EXOC1: variants seen among roughly 807,000 people sequenced by gnomAD.
EXOC1 encodes exocyst complex component 1.
Under a neutral mutation model 107.7 loss-of-function variants are expected in EXOC1, and 67 were observed. That is an observed-to-expected ratio of 0.62 (90% CI 0.51 to 0.76). The LOEUF is 0.76. Among genes scored for constraint, EXOC1 ranks in the 30% least tolerant of loss-of-function variants. The pLI, the probability that EXOC1 is intolerant of heterozygous loss-of-function variation, is 0.00. For missense variants in EXOC1, 833 were observed against 1,055.7 expected (o/e 0.79, Z 2.92); for synonymous variants, 348 against 353.5 (o/e 0.98, Z 0.17).
At chr4:55,902,031 G>T (rs543969780) in intron 17 of EXOC1, 1 of 170,858 alleles carries the variant, frequency 5.9e-6, no homozygotes. Context: ...TAATAATTGT[G>T]GTTCAGTCAT....
intron 9 of EXOC1, among the ~76,000 whole-genome samples, chr4:55,880,325 CT>C (rs1723278568): frequency 6.6e-6 from 1 of 151,450 alleles, no homozygotes; most frequent in South Asian, 2.1e-4. Flanking sequence ...AAAAAATCTC[CT>C]GAGGTGCTTA....
intron 3 of EXOC1, among the ~76,000 whole-genome samples, chr4:55,863,668 A>G (rs1721687599): frequency 6.6e-6 from 1 of 152,172 alleles, no homozygotes; most frequent in Non-Finnish European, 1.5e-5. Context: ...GATATCTTTA[A>G]TCATTCCTTA....
intron 15 of EXOC1, among the ~76,000 whole-genome samples, chr4:55,894,860 G>T (rs998534233): frequency 6.6e-6 from 1 of 151,920 alleles, no homozygotes; most frequent in Non-Finnish European, 1.5e-5. Flanking sequence ...AACCTCAGGT[G>T]ATCTGCCCAC....
At chr4:55,894,122 C>G (rs1947131) in intron 15 of EXOC1, among the ~76,000 whole-genome samples, 1 of 151,982 alleles carries the variant, frequency 6.6e-6, no homozygotes, top group Non-Finnish European at 1.5e-5. Context: ...GTCAGGAGTT[C>G]GAGACCAGCC....
At chr4:55,867,564 C>CAAA (rs5858354) in intron 4 of EXOC1, among the ~76,000 whole-genome samples, 3 of 131,662 alleles carry the variant, frequency 2.3e-5, no homozygotes, top group Non-Finnish European at 4.9e-5. Context: ...TGTATTTCCT[C>CAAA]AAAAAAAAAA....
At chr4:55,888,081 CCTA>C (rs1724099856) in intron 10 of EXOC1, among the ~76,000 whole-genome samples, 1 of 152,132 alleles carries the variant, frequency 6.6e-6, no homozygotes, top group African/African-American at 2.4e-5. Flanking sequence ...TCTGTTTCAT[CCTA>C]TGATCTTTCT....
Position 55,871,123 on chromosome 4 carries a change from G to T in EXOC1, c.854G>T (p.Gly285Val). ...TAGAACCACATGGACTTGGCCAAAG[G>T]TCATATAAAGGCCCTTCAGGAAGGA... ...FLVNHMDLAK[G>V]HIKALQEGDL... Residue 285 changes from glycine to valine, a missense_variant, in exon 7 of 19, where the codon GGT (glycine) becomes GTT (valine). Around this residue, in one of 2 missense-constraint regions of EXOC1, gnomAD observed 617 missense variants for 701.3 expected, o/e 0.88. Coordinates refer to ENST00000381295, the MANE Select transcript of EXOC1 (RefSeq NM_001024924.2). 6 of 1,613,872 alleles carry T rather than the reference G, an allele frequency of 3.7e-6. No homozygotes were observed. Among genetic ancestry groups the T allele is most frequent in the Non-Finnish European group, 5.1e-6 (6 of 1,179,874 alleles).
At chr4:55,890,102 C>A in intron 11 of EXOC1, 121 bp from the exon 12 acceptor site, 1 of 858,788 alleles carries the variant, frequency 1.2e-6, no homozygotes, top group Non-Finnish European at 1.8e-6. Context: ...AAGATTTGTG[C>A]ACTAACTAAT....
At chr4:55,864,708 G>A (rs1721795376) in intron 4 of EXOC1, among the ~76,000 whole-genome samples, 1 of 152,072 alleles carries the variant, frequency 6.6e-6, no homozygotes, top group East Asian at 1.9e-4. Flanking sequence ...TTCATATAAT[G>A]TATCATGAAC....
chr4:55,890,403 A>G lies in EXOC1; in HGVS notation c.1539+17A>G, dbSNP rs760524839. On this transcript the variant is annotated intron_variant, in intron 12 of 18. Coordinates refer to ENST00000381295, the MANE Select transcript of EXOC1 (RefSeq NM_001024924.2). ...TTTGATAAGGTAAACTAAAATAACA[A>G]GTACTTCTTAAACATTAACATTAGT... 6.2e-7 allele frequency: 1 copy of G among 1,610,650 alleles called. No individual in the cohort carries two copies. The highest frequency in any genetic ancestry group is 8.5e-7 in the Non-Finnish European group (1 of 1,177,790).
At chr4:55,881,307 A>AAG (rs1406538158) in intron 9 of EXOC1, among the ~76,000 whole-genome samples, 2 of 152,126 alleles carry the variant, frequency 1.3e-5, no homozygotes, top group African/African-American at 4.8e-5. Flanking sequence ...TTCCTCTCCT[A>AAG]ATAGCCTCCT....
At chr4:55,901,711 C>T (rs188779457) in intron 17 of EXOC1, among the ~76,000 whole-genome samples, 34 of 152,180 alleles carry the variant, frequency 2.2e-4, no homozygotes, top group Non-Finnish European at 3.8e-4. Flanking sequence ...TATAAATTGT[C>T]ATAATGCTTA....
At chr4:55,883,707 C>A in intron 9 of EXOC1, 116 bp from the exon 10 acceptor site, 2 of 563,830 alleles carry the variant, frequency 3.5e-6, no homozygotes, top group East Asian at 3.4e-5. Context: ...CTGTGAAATA[C>A]ATCAAAGTTT....
chr4:55,877,883 G>A, intron 8 of EXOC1, 34 bp from the exon 9 acceptor site: 1 of 1,609,450 alleles, frequency 6.2e-7, no homozygotes, highest in Non-Finnish European at 8.5e-7. Flanking sequence ...TTGTACTGTT[G>A]ATTACATTTA....
intron 9 of EXOC1, among the ~76,000 whole-genome samples, chr4:55,879,508 A>G (rs572700911): frequency 2.6e-4 from 39 of 152,288 alleles, no homozygotes; most frequent in African/African-American, 8.2e-4. Flanking sequence ...TGGACCATGC[A>G]AAGATTTGTC....
chr4:55,896,583 A>G, intron 15 of EXOC1, 134 bp from the exon 16 acceptor site: 3 of 622,504 alleles, frequency 4.8e-6, no homozygotes, highest in Admixed American at 4.1e-5. Flanking sequence ...AAAGTGTTCT[A>G]GGTACCACAT....
intron 9 of EXOC1, 100 bp downstream of exon 9, chr4:55,878,166 A>G (rs900040079): frequency 2.1e-5 from 28 of 1,322,880 alleles, no homozygotes; most frequent in Non-Finnish European, 2.5e-5. Context: ...ACTGTAGTAC[A>G]TTCTTAGCAA....
intron 9 of EXOC1, among the ~76,000 whole-genome samples, chr4:55,882,122 G>A (rs1178187596): frequency 2.6e-5 from 3 of 113,990 alleles, no homozygotes; most frequent in African/African-American, 7.0e-5. Flanking sequence ...TTGTTGTATT[G>A]TGTTTTGTTT....
At chr4:55,868,291 T>C (rs1722133519) in intron 4 of EXOC1, 45 bp from the exon 5 acceptor site, 1 of 1,530,040 alleles carries the variant, frequency 6.5e-7, no homozygotes, top group African/African-American at 1.4e-5. Flanking sequence ...TTATAGTCTT[T>C]TCTACTTTTT....
Sources: gnomAD v4.1 joint callset for allele counts (sites outside exome capture counted in the v4.1 genomes callset) on GRCh38, gnomAD v4.1.1 for gene constraint, gnomAD v4.1.1 regional missense constraint, MANE v1.5 for transcripts, NCBI Gene and HGNC (gene_info 2026-07-23, HGNC 2026-07-21) for gene names.